DAB1: variants seen among roughly 807,000 people sequenced by gnomAD.
The protein encoded by DAB1 is DAB adaptor protein 1.
A neutral mutation model predicts 64.6 loss-of-function variants in DAB1; 15 were observed. That is an observed-to-expected ratio of 0.23 (90% confidence interval 0.16 to 0.36). The LOEUF (loss-of-function observed/expected upper bound fraction) is 0.36, where lower values mean the gene tolerates loss of function less well. Ranked by LOEUF, DAB1 falls within the 10% of genes least tolerant of loss-of-function variation. DAB1 has a pLI of 1.00. For missense variants in DAB1, 596 were observed against 706.7 expected, an observed-to-expected ratio of 0.84 and a Z score of 1.78; for synonymous variants, 235 against 251.9, an observed-to-expected ratio of 0.93 and a Z score of 0.64.
chr1:58,280,853 G>A (rs559859876), intron 4 of DAB1, among the ~76,000 whole-genome samples: 45 of 152,330 alleles, frequency 3.0e-4, no homozygotes, highest in Admixed American at 6.5e-4. Context: ...ACAGAAGCAA[G>A]ACCAAGAAAG....
intron 1 of DAB1, among the ~76,000 whole-genome samples, chr1:57,374,536 A>T (rs577949027): frequency 5.9e-4 from 90 of 152,296 alleles, no homozygotes; most frequent in African/African-American, 2.0e-3. Context: ...ATGCTCAATA[A>T]ATTTATGGTT....
chr1:58,100,196 T>C (rs1410112821), intron 5 of DAB1, among the ~76,000 whole-genome samples: 1 of 152,230 alleles, frequency 6.6e-6, no homozygotes, highest in Non-Finnish European at 1.5e-5. Flanking sequence ...ATCCAGAACT[T>C]TTCCATCATC....
intron 7 of DAB1, among the ~76,000 whole-genome samples, chr1:57,456,250 G>A (rs1686587951): frequency 1.3e-5 from 2 of 152,088 alleles, no homozygotes; most frequent in Admixed American, 6.5e-5. Flanking sequence ...TTTTTCAACA[G>A]TTTTTTATAT....
At chr1:57,557,159 A>T (rs551688343) in intron 7 of DAB1, among the ~76,000 whole-genome samples, 15 of 152,258 alleles carry the variant, frequency 9.9e-5, no homozygotes, top group African/African-American at 3.4e-4. Context: ...ACCGACTCTT[A>T]ATCTGGGTGG....
intron 1 of DAB1, among the ~76,000 whole-genome samples, chr1:57,331,395 A>G (rs1323653363): frequency 6.6e-6 from 1 of 152,196 alleles, no homozygotes; most frequent in Non-Finnish European, 1.5e-5. Flanking sequence ...AACTTGTCTA[A>G]GATTCTCTAG....
intron 5 of DAB1, among the ~76,000 whole-genome samples, chr1:57,889,483 GA>G (rs1343549092): frequency 1.3e-5 from 2 of 152,216 alleles, no homozygotes; most frequent in Non-Finnish European, 2.9e-5. Context: ...ACCTGACACT[GA>G]TTTGCAAAAC....
chr1:58,377,649 T>A (rs1338898191), intron 3 of DAB1, among the ~76,000 whole-genome samples: 2 of 139,660 alleles, frequency 1.4e-5, no homozygotes, highest in African/African-American at 2.7e-5. Flanking sequence ...AATCTGACAA[T>A]TATGTGTCTT....
chr1:57,681,385 G>T lies in DAB1; in HGVS notation n.552-31720C>A, dbSNP rs781488710. On this transcript the variant is annotated intron_variant and non_coding_transcript_variant, in intron 6 of 20. Coordinates refer to the DAB1 transcript ENST00000485760. ...TGCAAAAACTCTATTTCCAAATAAGGTCATTTTCTAAGGTACTGGGTACTT... is the reference window on the plus strand; with the variant it reads ...TGCAAAAACTCTATTTCCAAATAAGTTCATTTTCTAAGGTACTGGGTACTT... Among the ~76,000 whole-genome samples, 3 of 152,194 alleles carry T rather than the reference G, an allele frequency of 2.0e-5. No homozygotes were observed. The South Asian group carries it at 6.2e-4, about 32-fold the overall frequency.
intron 1 of DAB1, among the ~76,000 whole-genome samples, chr1:58,535,955 A>G (rs1479423203): frequency 6.6e-6 from 1 of 151,608 alleles, no homozygotes; most frequent in Non-Finnish European, 1.5e-5. Context: ...ACTAAGCTCT[A>G]CTCTTACATA....
intron 3 of DAB1, among the ~76,000 whole-genome samples, chr1:57,142,370 G>A (rs1316148568): frequency 6.6e-6 from 1 of 152,108 alleles, no homozygotes; most frequent in Non-Finnish European, 1.5e-5. Flanking sequence ...GCCAAATGGA[G>A]AATTGATCAT....
intron 14 of DAB1, among the ~76,000 whole-genome samples, chr1:57,006,868 G>A (rs1487137819): frequency 1.3e-5 from 2 of 152,164 alleles, no homozygotes; most frequent in African/African-American, 4.8e-5. Context: ...AGCTTGGGGA[G>A]AGAGCTATTG....
chr1:57,479,919 C>T (rs909481694), intron 7 of DAB1, among the ~76,000 whole-genome samples: 21 of 151,814 alleles, frequency 1.4e-4, no homozygotes, highest in Non-Finnish European at 2.5e-4. Context: ...TTTGGGAGGC[C>T]GAGACGGGCG....
At chr1:57,844,544 T>C (rs1325030850) in intron 1 of DAB1, among the ~76,000 whole-genome samples, 1 of 152,182 alleles carries the variant, frequency 6.6e-6, no homozygotes, top group Non-Finnish European at 1.5e-5. Flanking sequence ...GCCAGAGTGA[T>C]TCACAATGGG....
intron 3 of DAB1, among the ~76,000 whole-genome samples, chr1:58,383,673 C>T (rs1644409279): frequency 6.6e-6 from 1 of 152,096 alleles, no homozygotes; most frequent in Admixed American, 6.6e-5. Flanking sequence ...ATTAAAATGA[C>T]CATTCATTTT....
At chr1:57,286,422 A>T (rs1291949095) in intron 2 of DAB1, among the ~76,000 whole-genome samples, 1 of 152,228 alleles carries the variant, frequency 6.6e-6, no homozygotes, top group Non-Finnish European at 1.5e-5. Context: ...CACTAATGTC[A>T]AATAACAAAA....
intron 5 of DAB1, among the ~76,000 whole-genome samples, chr1:58,123,073 T>C (rs1352766087): frequency 6.6e-6 from 1 of 152,192 alleles, no homozygotes; most frequent in Non-Finnish European, 1.5e-5. Flanking sequence ...TTCTGAGATA[T>C]TCTGAAGGTG....
At chr1:57,404,345 A>T (rs1558320424) in intron 1 of DAB1, among the ~76,000 whole-genome samples, 1 of 152,256 alleles carries the variant, frequency 6.6e-6, no homozygotes, top group Non-Finnish European at 1.5e-5. Context: ...TTTTTATGTG[A>T]CAATGTGCTA....
intron 5 of DAB1, among the ~76,000 whole-genome samples, chr1:57,917,433 A>G (rs946604610): frequency 6.6e-6 from 1 of 152,222 alleles, no homozygotes; most frequent in Non-Finnish European, 1.5e-5. Flanking sequence ...ATCCTGCCCC[A>G]TATCATTGTA....
chr1:58,369,884 C>T (rs557112101), intron 3 of DAB1, among the ~76,000 whole-genome samples: 4 of 152,082 alleles, frequency 2.6e-5, no homozygotes, highest in African/African-American at 9.6e-5. Flanking sequence ...AATAAATAGG[C>T]AATAGAGTTA....
Sources: gnomAD v4.1 joint callset for allele counts (sites outside exome capture counted in the v4.1 genomes callset) on GRCh38, gnomAD v4.1.1 for gene constraint, MANE v1.5 for transcripts, NCBI Gene and HGNC (gene_info 2026-07-23, HGNC 2026-07-21) for gene names.